LRRC4C: variants seen among roughly 807,000 people sequenced by gnomAD.
LRRC4C encodes the protein leucine rich repeat containing 4C.
LRRC4C carries 5 observed loss-of-function variants against 33.6 expected under a neutral mutation model. That is an observed-to-expected ratio of 0.15 (90% CI 0.08 to 0.31). The LOEUF is 0.31. Among genes scored for constraint, LRRC4C ranks in the 10% least tolerant of loss-of-function variants. The pLI is 1.00. For synonymous variants in LRRC4C, 329 were observed against 302.0 expected (o/e 1.09, Z -0.93); for missense variants, 560 against 796.7 (o/e 0.70, Z 3.58).
intron 6 of LRRC4C, among the ~76,000 whole-genome samples, chr11:40,126,796 A>G (rs140191574): frequency 2.2e-3 from 338 of 152,100 alleles, no homozygotes; most frequent in African/African-American, 7.2e-3. Flanking sequence ...CCCCATCTCT[A>G]CTAAAAATAC....
intron 1 of LRRC4C, among the ~76,000 whole-genome samples, chr11:41,437,050 A>G (rs563109231): frequency 9.2e-5 from 14 of 152,280 alleles, no homozygotes; most frequent in African/African-American, 3.4e-4. Context: ...ATACTTTTCA[A>G]TCTTACCAAA....
At chr11:40,445,113 C>A (rs1208723860) in intron 3 of LRRC4C, among the ~76,000 whole-genome samples, 2 of 152,150 alleles carry the variant, frequency 1.3e-5, no homozygotes, top group African/African-American at 4.8e-5. Context: ...AAATAATGTT[C>A]ATCATTTCTG....
chr11:41,405,773 A>G (rs913098683), intron 1 of LRRC4C, among the ~76,000 whole-genome samples: 2 of 152,082 alleles, frequency 1.3e-5, no homozygotes, highest in Admixed American at 1.3e-4. Flanking sequence ...AAGAGTTAGG[A>G]TGCTTTAAGT....
chr11:41,125,891 G>T (rs990458915), intron 1 of LRRC4C, among the ~76,000 whole-genome samples: 3 of 152,140 alleles, frequency 2.0e-5, no homozygotes, highest in Non-Finnish European at 2.9e-5. Context: ...AAATGAATTT[G>T]TATATATGGA....
At chr11:41,007,143 C>G (rs986539804) in intron 1 of LRRC4C, among the ~76,000 whole-genome samples, 2 of 151,474 alleles carry the variant, frequency 1.3e-5, no homozygotes, top group African/African-American at 4.9e-5. Flanking sequence ...CCAAAAAATG[C>G]AAAAGTTCAA....
At chr11:41,242,248 T>C (rs144919768) in intron 1 of LRRC4C, among the ~76,000 whole-genome samples, 5 of 152,262 alleles carry the variant, frequency 3.3e-5, no homozygotes, top group African/African-American at 4.8e-5. Flanking sequence ...CCTTAGATAG[T>C]GAATTATTAT....
At chr11:41,215,011 C>CATATATATATATATATAT (rs1251121488) in intron 1 of LRRC4C, among the ~76,000 whole-genome samples, 1 of 103,918 alleles carries the variant, frequency 9.6e-6, no homozygotes, top group African/African-American at 4.3e-5. Context: ...ATTTTTTATT[C>CATATATATATATATATAT]ATGTATATAT....
At chr11:40,476,427 C>A (rs556115146) in intron 3 of LRRC4C, among the ~76,000 whole-genome samples, 26 of 148,512 alleles carry the variant, frequency 1.8e-4, no homozygotes, top group Middle Eastern at 3.8e-3. Flanking sequence ...CTCACCACAG[C>A]CTCTGCCTCC....
chr11:40,237,041 A>G (rs1174045155), intron 5 of LRRC4C, among the ~76,000 whole-genome samples: 3 of 152,304 alleles, frequency 2.0e-5, no homozygotes, highest in African/African-American at 7.2e-5. Context: ...TTAAAAAGCA[A>G]TTTCTGCATA....
chr11:40,639,134 C>G (rs1453556662), intron 3 of LRRC4C, among the ~76,000 whole-genome samples: 1 of 151,068 alleles, frequency 6.6e-6, no homozygotes, highest in Non-Finnish European at 1.5e-5. Context: ...TATCTTACCC[C>G]CAAAAAGTAA....
At chr11:40,763,862 T>G (rs988594554) in intron 2 of LRRC4C, among the ~76,000 whole-genome samples, 3 of 152,120 alleles carry the variant, frequency 2.0e-5, no homozygotes, top group African/African-American at 7.2e-5. Context: ...GAGTTCTAAA[T>G]AAACAAGAAA....
At chr11:40,374,080 TAAC>T (rs1158767557) in intron 3 of LRRC4C, among the ~76,000 whole-genome samples, 1 of 152,184 alleles carries the variant, frequency 6.6e-6, no homozygotes, top group Non-Finnish European at 1.5e-5. Context: ...TTAAAAAGTT[TAAC>T]AACAACAAGC....
intron 1 of LRRC4C, among the ~76,000 whole-genome samples, chr11:41,456,009 C>T (rs913120380): frequency 4.6e-5 from 7 of 152,074 alleles, no homozygotes; most frequent in Admixed American, 4.6e-4. Context: ...TTGCAAAGCC[C>T]CTGCTCTATT....
In LRRC4C at chr11:40,990,231, T is replaced by TTTTA. The variant is rs1555030575; in HGVS notation, c.-495-56509_-495-56508insTAAA. 5.1e-5 allele frequency among the ~76,000 whole-genome samples: 4 copies of TTTTA among 78,244 alleles called. No individual in the cohort carries two copies. The East Asian group carries it at 2.3e-3, about 45-fold the overall frequency. 51.3% of individuals were successfully genotyped at this position (78,244 alleles called of 152,430 possible). The stretch of plus-strand genomic sequence containing the variant: ...AAATATTTGAATAGTATGTCAAGTT[T>TTTTA]TATATATATATATATATATATATAT... On this transcript the variant is annotated intron_variant, in intron 1 of 6. Coordinates refer to ENST00000528697, the MANE Select transcript of LRRC4C (RefSeq NM_001258419.2).
At chr11:40,529,529 G>C (rs1204524259) in intron 3 of LRRC4C, among the ~76,000 whole-genome samples, 1 of 151,988 alleles carries the variant, frequency 6.6e-6, no homozygotes, top group African/African-American at 2.4e-5. Context: ...TTAAAAGAAA[G>C]GGAAATGCCA....
At chr11:40,256,296 A>G (rs948521188) in intron 4 of LRRC4C, among the ~76,000 whole-genome samples, 3 of 152,206 alleles carry the variant, frequency 2.0e-5, no homozygotes, top group African/African-American at 7.2e-5. Context: ...TTAGAGTCAC[A>G]TTGAACAGGT....
intron 2 of LRRC4C, among the ~76,000 whole-genome samples, chr11:40,898,684 T>A: frequency 6.6e-6 from 1 of 152,200 alleles, no homozygotes; most frequent in Admixed American, 6.5e-5. Flanking sequence ...ACCTTTGTGT[T>A]ACAATAAAAA....
At chr11:40,235,159 TTAAC>T (rs1342818427) in intron 5 of LRRC4C, among the ~76,000 whole-genome samples, 1 of 152,254 alleles carries the variant, frequency 6.6e-6, no homozygotes, top group Non-Finnish European at 1.5e-5. Flanking sequence ...TAGAAATCAT[TTAAC>T]TATCTTGTGG....
At chr11:40,901,793 G>T (rs1206423181) in intron 2 of LRRC4C, among the ~76,000 whole-genome samples, 1 of 151,998 alleles carries the variant, frequency 6.6e-6, no homozygotes, top group African/African-American at 2.4e-5. Flanking sequence ...TTGATTCAAA[G>T]AATTGATTTT....
Sources: gnomAD v4.1 joint callset for allele counts (sites outside exome capture counted in the v4.1 genomes callset) on GRCh38, gnomAD v4.1.1 for gene constraint, MANE v1.5 for transcripts, NCBI Gene and HGNC (gene_info 2026-07-23, HGNC 2026-07-21) for gene names.